Variants in TENM2 observed in about 807,000 individuals in gnomAD.
TENM2 encodes the protein teneurin-2.
A neutral mutation model predicts 245.2 loss-of-function variants in TENM2; 52 were observed. The observed-to-expected ratio is 0.21, with a 90% CI of 0.17 to 0.27. The LOEUF (loss-of-function observed/expected upper bound fraction) is 0.27, where lower values mean the gene tolerates loss of function less well. Ranked by LOEUF, TENM2 falls within the 10% of genes least tolerant of loss-of-function variation. TENM2 has a pLI of 1.00. For missense variants in TENM2, 3,046 were observed against 3,666.8 expected (o/e 0.83, Z 4.37); for synonymous variants, 1,363 against 1,438.9 (o/e 0.95, Z 1.19).
the TENM2 span, among the ~76,000 whole-genome samples, chr5:167,250,717 G>A: frequency 2.8e-3 from 427 of 152,240 alleles, 6 homozygotes; most frequent in African/African-American, 9.6e-3. Context: ...GTCCTACTGA[G>A]ATGCTATTAT....
upstream of TENM2, among the ~76,000 whole-genome samples, chr5:167,280,981 G>GA (rs1771023549): frequency 6.6e-6 from 1 of 152,040 alleles, no homozygotes; most frequent in African/African-American, 2.4e-5. Context: ...ACCTTGTAGG[G>GA]AAAATAGGGA....
intron 2 of TENM2, among the ~76,000 whole-genome samples, chr5:167,596,101 TG>T (rs757046035): frequency 3.9e-5 from 6 of 152,210 alleles, no homozygotes; most frequent in Non-Finnish European, 8.8e-5. Flanking sequence ...CCTCTTCATA[TG>T]ATGGCAAGTT....
intron 1 of TENM2, among the ~76,000 whole-genome samples, chr5:167,362,812 T>C (rs1026855604): frequency 1.9e-4 from 29 of 152,246 alleles, no homozygotes; most frequent in African/African-American, 7.0e-4. Flanking sequence ...AAGCTGAAAA[T>C]AGAACCCCAT....
At chr5:168,134,106 G>T (rs1264147987) in intron 12 of TENM2, among the ~76,000 whole-genome samples, 1 of 152,014 alleles carries the variant, frequency 6.6e-6, no homozygotes, top group Non-Finnish European at 1.5e-5. Context: ...AGTGAGCTGA[G>T]ATCATGCCAC....
chr5:168,165,927 C>A (rs1758256124), intron 13 of TENM2: 1 of 151,916 alleles, frequency 6.6e-6, no homozygotes, highest in Admixed American at 6.6e-5. Context: ...TCACAATTAA[C>A]TGAGTTCTTT....
chr5:167,856,290 CA>C (rs576882807), intron 2 of TENM2, among the ~76,000 whole-genome samples: 65 of 152,144 alleles, frequency 4.3e-4, no homozygotes, highest in African/African-American at 1.4e-3. Flanking sequence ...ACCTCCCAAG[CA>C]AACATTAATT....
intron 1 of TENM2, among the ~76,000 whole-genome samples, chr5:167,347,427 A>G (rs879776973): frequency 6.6e-6 from 1 of 152,188 alleles, no homozygotes; most frequent in African/African-American, 2.4e-5. Context: ...TTCCTTATCG[A>G]TAAGTGTAGT....
In TENM2 at chr5:167,571,252, C is replaced by T. The variant is rs570440734; in HGVS notation, c.502+195779C>T. ...ACAACCCATGAAGCAGGTAGCCTTA[C>T]ACCCATCTTAAGATGAGGACACAAT... On this transcript the variant is annotated intron_variant, in intron 2 of 28. Transcript: ENST00000518659. 7.2e-4 allele frequency among the ~76,000 whole-genome samples: 109 copies of T among 152,280 alleles called. 1 individual carries two copies. Among genetic ancestry groups the T allele is most frequent in the African/African-American group, 2.6e-3 (108 of 41,566 alleles).
the TENM2 span, among the ~76,000 whole-genome samples, chr5:166,992,331 A>G: frequency 6.6e-6 from 1 of 152,128 alleles, no homozygotes; most frequent in African/African-American, 2.4e-5. Flanking sequence ...AATCCTTTCC[A>G]CTGTGTATTT....
chr5:167,419,498 G>T (rs78990037), intron 2 of TENM2, among the ~76,000 whole-genome samples: 1 of 152,168 alleles, frequency 6.6e-6, no homozygotes, highest in East Asian at 1.9e-4. Context: ...AGATAATTGG[G>T]CAGATGGGTA....
chr5:167,286,090 G>A (rs764863345), intron 1 of TENM2, among the ~76,000 whole-genome samples: 68 of 152,074 alleles, frequency 4.5e-4, no homozygotes, highest in Non-Finnish European at 4.9e-4. Context: ...TTAGCACTAT[G>A]CCCACGGTTT....
intron 2 of TENM2, among the ~76,000 whole-genome samples, chr5:167,492,330 G>C (rs1283321683): frequency 1.3e-5 from 2 of 151,832 alleles, no homozygotes; most frequent in African/African-American, 4.8e-5. Context: ...ACCCTATTTG[G>C]GACTCAGTTT....
intron 2 of TENM2, among the ~76,000 whole-genome samples, chr5:167,833,470 G>C (rs966836831): frequency 1.3e-5 from 2 of 152,218 alleles, no homozygotes; most frequent in African/African-American, 4.8e-5. Flanking sequence ...GTCCAGAAGA[G>C]TAGAGTGTTC....
intron 18 of TENM2, among the ~76,000 whole-genome samples, 155 bp downstream of exon 20, chr5:168,203,987 T>C (rs751009114): frequency 2.0e-4 from 30 of 151,628 alleles, no homozygotes; most frequent in Non-Finnish European, 3.5e-4. Flanking sequence ...CCTTCTTCTT[T>C]TATTATTTTT....
chr5:167,994,586 TTCTTG>T (rs1242884965), intron 5 of TENM2, among the ~76,000 whole-genome samples: 1 of 152,234 alleles, frequency 6.6e-6, no homozygotes, highest in Non-Finnish European at 1.5e-5. Flanking sequence ...ACTATAGCTG[TTCTTG>T]TCTTAATATG....
At chr5:167,551,387 G>A (rs1470767367) in intron 2 of TENM2, among the ~76,000 whole-genome samples, 1 of 152,060 alleles carries the variant, frequency 6.6e-6, no homozygotes, top group Admixed American at 6.5e-5. Flanking sequence ...AAAACATAAG[G>A]CTATAGATTC....
At chr5:167,364,179 T>G (rs1759899693) in intron 1 of TENM2, among the ~76,000 whole-genome samples, 1 of 152,084 alleles carries the variant, frequency 6.6e-6, no homozygotes, top group Non-Finnish European at 1.5e-5. Flanking sequence ...ACTGAGACTT[T>G]TTTTATATTA....
rs141109388 is a variant in TENM2, at chr5:168,152,712, C to A, written c.2423-9899C>A. Among the ~76,000 whole-genome samples, 108 of 152,324 alleles carry A rather than the reference C, an allele frequency of 7.1e-4. 1 individual carries two copies. The highest frequency in any genetic ancestry group is 2.3e-3 in the African/African-American group (96 of 41,564). ...AACCACTGGACTCTCTTATTATTGT[C>A]ATCCCTACCTTTGTGTAACACTTGT... On this transcript the variant is annotated intron_variant, in intron 12 of 28. Coordinates refer to ENST00000518659, the Ensembl canonical transcript of TENM2.
At chr5:167,143,248 C>A in the TENM2 span, among the ~76,000 whole-genome samples, 6 of 152,140 alleles carry the variant, frequency 3.9e-5, no homozygotes, top group Non-Finnish European at 8.8e-5. Context: ...GTAATTGAGA[C>A]AATAGCTATA....
Sources: gnomAD v4.1 joint callset for allele counts (sites outside exome capture counted in the v4.1 genomes callset) on GRCh38, gnomAD v4.1.1 for gene constraint, MANE v1.5 for transcripts, NCBI Gene and HGNC (gene_info 2026-07-23, HGNC 2026-07-21) for gene names.